Variants in EEPD1 observed in about 807,000 individuals in gnomAD.
The protein encoded by EEPD1 is endonuclease/exonuclease/phosphatase family domain containing 1, also known as endonuclease/exonuclease/phosphatase family domain-containing protein 1.
A neutral mutation model predicts 46.3 loss-of-function variants in EEPD1; 17 were observed. The ratio of observed to expected loss-of-function variants is 0.37; its 90% confidence interval spans 0.25 to 0.55. The LOEUF (loss-of-function observed/expected upper bound fraction) is 0.55. Ranked by LOEUF, EEPD1 falls within the 20% of genes least tolerant of loss-of-function variation. EEPD1 has a pLI of 0.83. For synonymous variants in EEPD1, 313 were observed against 315.6 expected (o/e 0.99, Z 0.09); for missense variants, 673 against 745.6 (o/e 0.90, Z 1.13).
intron 2 of EEPD1, among the ~76,000 whole-genome samples, chr7:36,176,145 G>C (rs906416091): frequency 1.1e-4 from 16 of 152,188 alleles, no homozygotes; most frequent in African/African-American, 3.9e-4. Context: ...CACTGCCCTG[G>C]TGATGCAGTG....
intron 2 of EEPD1, among the ~76,000 whole-genome samples, chr7:36,233,699 TC>T (rs755666643): frequency 5.3e-5 from 8 of 152,060 alleles, no homozygotes; most frequent in Non-Finnish European, 1.2e-4. Context: ...GAGATGGCAC[TC>T]CCAGTTAGAC....
intron 2 of EEPD1, among the ~76,000 whole-genome samples, chr7:36,222,596 AC>A: frequency 6.6e-6 from 1 of 152,310 alleles, no homozygotes; most frequent in East Asian, 1.9e-4. Flanking sequence ...GAGTACAATA[AC>A]AAAATACTAT....
chr7:36,211,051 A>C (rs1284899072), intron 2 of EEPD1, among the ~76,000 whole-genome samples: 1 of 152,206 alleles, frequency 6.6e-6, no homozygotes, highest in Non-Finnish European at 1.5e-5. Flanking sequence ...GTAATGTGAC[A>C]TGAAAAGAGC....
chr7:36,294,661 T>C (rs1787494587), intron 6 of EEPD1, among the ~76,000 whole-genome samples: 1 of 152,132 alleles, frequency 6.6e-6, no homozygotes, highest in Non-Finnish European at 1.5e-5. Flanking sequence ...AGTTTGGTCA[T>C]AGACAAATGA....
chr7:36,251,611 C>G (rs1031860282), intron 3 of EEPD1, among the ~76,000 whole-genome samples: 1 of 152,066 alleles, frequency 6.6e-6, no homozygotes, highest in Admixed American at 6.6e-5. Flanking sequence ...TGCCTGGCCC[C>G]CTACTGGTAG....
chr7:36,248,803 T>A (rs1211473437), intron 3 of EEPD1, among the ~76,000 whole-genome samples: 8 of 152,156 alleles, frequency 5.3e-5, no homozygotes, highest in Non-Finnish European at 8.8e-5. Flanking sequence ...AAAGAGCTGG[T>A]GAGCAGATTG....
intron 2 of EEPD1, among the ~76,000 whole-genome samples, chr7:36,201,168 A>G (rs891651918): frequency 6.6e-6 from 1 of 152,212 alleles, no homozygotes; most frequent in Non-Finnish European, 1.5e-5. Context: ...TTCTGAAGTT[A>G]TGGAAGACAG....
chr7:36,200,156 C>A (rs1349088227), intron 2 of EEPD1, among the ~76,000 whole-genome samples: 1 of 151,910 alleles, frequency 6.6e-6, no homozygotes, highest in Non-Finnish European at 1.5e-5. Context: ...AAGTAAACCC[C>A]TAGTGTGTGT....
intron 2 of EEPD1, among the ~76,000 whole-genome samples, chr7:36,199,591 G>T (rs2115699825): frequency 6.6e-6 from 1 of 152,294 alleles, no homozygotes; most frequent in Non-Finnish European, 1.5e-5. Flanking sequence ...GGTCAACAGT[G>T]GGTGGGGAGC....
intron 2 of EEPD1, among the ~76,000 whole-genome samples, chr7:36,160,678 G>GTT (rs201394247): frequency 6.9e-6 from 1 of 145,234 alleles, no homozygotes; most frequent in Non-Finnish European, 1.5e-5. Context: ...GGAGGTGGTG[G>GTT]GGGGCGGGGC....
At chr7:36,223,295 G>A (rs1366662277) in intron 2 of EEPD1, among the ~76,000 whole-genome samples, 1 of 152,154 alleles carries the variant, frequency 6.6e-6, no homozygotes, top group Non-Finnish European at 1.5e-5. Flanking sequence ...AAGGGCTCTT[G>A]GGAGCTTTTT....
chr7:36,183,943 A>T (rs968746461), intron 2 of EEPD1, among the ~76,000 whole-genome samples: 5 of 147,866 alleles, frequency 3.4e-5, no homozygotes, highest in Non-Finnish European at 6.0e-5. Flanking sequence ...AACAGCCGCA[A>T]ATTCTTTGTG....
intron 3 of EEPD1, among the ~76,000 whole-genome samples, chr7:36,262,636 G>A (rs1786946552): frequency 6.6e-6 from 1 of 152,160 alleles, no homozygotes; most frequent in Non-Finnish European, 1.5e-5. Context: ...GCATTTGGGA[G>A]GGGAGCATGT....
At chr7:36,183,199 G>A (rs1785304818) in intron 2 of EEPD1, among the ~76,000 whole-genome samples, 1 of 152,214 alleles carries the variant, frequency 6.6e-6, no homozygotes, top group Non-Finnish European at 1.5e-5. Context: ...TTGCTGTGTA[G>A]ACGGCACGCA....
At chr7:36,279,573 A>C (rs1787230961) in intron 3 of EEPD1, among the ~76,000 whole-genome samples, 1 of 152,168 alleles carries the variant, frequency 6.6e-6, no homozygotes, top group Admixed American at 6.5e-5. Context: ...GGGGCATGAG[A>C]GTGGCTTTCT....
chr7:36,259,193 A>G (rs1786874399), intron 3 of EEPD1, among the ~76,000 whole-genome samples: 1 of 152,122 alleles, frequency 6.6e-6, no homozygotes, highest in Non-Finnish European at 1.5e-5. Flanking sequence ...AACCAGTCTC[A>G]ATGAGATGAG....
In EEPD1 at chr7:36,175,378, G is replaced by A. The variant is rs557306981; in HGVS notation, c.878+20176G>A. Among the ~76,000 whole-genome samples the A allele has an allele frequency of 3.0e-4, 45 of 152,146 alleles. No homozygotes were observed. In the Middle Eastern group the frequency reaches 0.02, roughly 69 times the overall value. Reference sequence around the variant, plus strand: ...CCCGAGCAGCTGGGACCACAGGTGCGTGCCACCACGCCTGACTAATTTTTA... The same window carrying A: ...CCCGAGCAGCTGGGACCACAGGTGCATGCCACCACGCCTGACTAATTTTTA... On this transcript the variant is annotated intron_variant, in intron 2 of 7. Coordinates refer to ENST00000242108, the MANE Select transcript of EEPD1 (RefSeq NM_030636.3).
At chr7:36,260,185 C>G (rs934222375) in intron 3 of EEPD1, among the ~76,000 whole-genome samples, 5 of 152,190 alleles carry the variant, frequency 3.3e-5, no homozygotes, top group African/African-American at 1.2e-4. Flanking sequence ...TCCACTTGGT[C>G]TGGGGTCATT....
At chr7:36,203,735 G>C (rs1785760339) in intron 2 of EEPD1, among the ~76,000 whole-genome samples, 1 of 152,112 alleles carries the variant, frequency 6.6e-6, no homozygotes, top group Non-Finnish European at 1.5e-5. Flanking sequence ...TCACTTTTTA[G>C]TTAGAAAAAG....
Sources: allele counts gnomAD v4.1 joint callset (sites outside exome capture counted in the v4.1 genomes callset), GRCh38; gene constraint gnomAD v4.1.1; transcripts MANE v1.5; gene names NCBI Gene and HGNC (gene_info 2026-07-23, HGNC 2026-07-21).